The following SAMHD1 variants were observed in gnomAD, a reference collection of about 807,000 sequenced individuals.
SAMHD1 encodes the protein SAM and HD domain containing deoxynucleoside triphosphate triphosphohydrolase 1.
In SAMHD1, 54 loss-of-function variants were observed where a neutral mutation model predicts 79.6. The observed-to-expected ratio is 0.68, with a 90% CI of 0.55 to 0.85. SAMHD1 has a LOEUF of 0.85. SAMHD1 is among the 40% of genes least tolerant of loss of function. SAMHD1 has a pLI of 0.00. For synonymous variants in SAMHD1, 260 were observed against 264.1 expected (o/e 0.98, Z 0.15); for missense variants, 663 against 782.7 (o/e 0.85, Z 1.82).
intron 2 of SAMHD1, among the ~76,000 whole-genome samples, chr20:36,945,822 A>G (rs1310666500): frequency 1.3e-5 from 2 of 151,886 alleles, no homozygotes; most frequent in Non-Finnish European, 2.9e-5. Context: ...GAGGCAGGAG[A>G]ATGGCTTGAA....
At position 36,892,922 on chromosome 20, in the gene SAMHD1, C is replaced by A; in HGVS notation, c.*10G>T. ...GGAGAGGGAGTTTGTAAACAACTGACTACAGACATTCACATTGGGTCATCT... is the reference window on the plus strand; with the variant it reads ...GGAGAGGGAGTTTGTAAACAACTGAATACAGACATTCACATTGGGTCATCT... On this transcript the variant is annotated 3_prime_UTR_variant, in exon 16 of 16. Coordinates refer to ENST00000646673, the MANE Select transcript of SAMHD1 (RefSeq NM_015474.4). 6.2e-7 allele frequency: 1 copy of A among 1,613,918 alleles called. No individual in the cohort carries two copies.
intron 11 of SAMHD1, among the ~76,000 whole-genome samples, chr20:36,911,015 G>A (rs767624128): frequency 3.3e-5 from 5 of 152,096 alleles, no homozygotes; most frequent in African/African-American, 4.8e-5. Context: ...AGCACTTTGG[G>A]AGTCAAGGCA....
intron 7 of SAMHD1, among the ~76,000 whole-genome samples, chr20:36,918,922 GCTC>G (rs1206732127): frequency 6.6e-6 from 1 of 151,940 alleles, no homozygotes; most frequent in Admixed American, 6.6e-5. Flanking sequence ...GATCACTTGA[GCTC>G]AGGATTTCAA....
chr20:36,945,450 C>T (rs1283009880), intron 2 of SAMHD1, among the ~76,000 whole-genome samples: 4 of 152,086 alleles, frequency 2.6e-5, no homozygotes, highest in Non-Finnish European at 5.9e-5. Context: ...GGGGTGTAGC[C>T]TTGATTTTCT....
intron 6 of SAMHD1, among the ~76,000 whole-genome samples, chr20:36,925,595 A>G (rs373448773): frequency 5.4e-4 from 83 of 152,374 alleles, no homozygotes; most frequent in African/African-American, 1.8e-3. Flanking sequence ...AATATTCACA[A>G]TACATATACC....
chr20:36,897,789 T>C lies in SAMHD1; in HGVS notation c.1746+33A>G, dbSNP rs201826856. On this transcript the variant is annotated intron_variant, in intron 15 of 15. Transcript: ENST00000646673. Reference sequence around the variant, plus strand: ...TTGGTTTTTACTTAAAAATAAAAAATTGTGCAAAGTTTGTGAGTAACAGGC... The same window carrying C: ...TTGGTTTTTACTTAAAAATAAAAAACTGTGCAAAGTTTGTGAGTAACAGGC... The C allele has an allele frequency of 1.0e-4, 162 of 1,613,998 alleles. No individual in the cohort carries two copies. In the African/African-American group the frequency reaches 1.9e-3, roughly 19 times the overall value.
chr20:36,925,368 T>C (rs948740427), intron 6 of SAMHD1, among the ~76,000 whole-genome samples: 9 of 152,172 alleles, frequency 5.9e-5, no homozygotes, highest in African/African-American at 1.7e-4. Context: ...CAAAACCAAG[T>C]GGATGTTAGA....
intron 2 of SAMHD1, among the ~76,000 whole-genome samples, chr20:36,946,107 A>C (rs2146150467): frequency 6.6e-6 from 1 of 152,082 alleles, no homozygotes; most frequent in Admixed American, 6.6e-5. Context: ...ACATGGTGAA[A>C]CCCCATCTCT....
intron 11 of SAMHD1, among the ~76,000 whole-genome samples, chr20:36,907,907 GCT>G (rs921709890): frequency 6.6e-6 from 1 of 150,986 alleles, no homozygotes; most frequent in Non-Finnish European, 1.5e-5. Context: ...AAGGAGTCTT[GCT>G]CTGTCATCCA....
At chr20:36,934,815 T>C (rs1395587630) in intron 4 of SAMHD1, 1 of 476,752 alleles carries the variant, frequency 2.1e-6, no homozygotes. Context: ...CGCACAATCA[T>C]GTCTGGCTAA....
intron 5 of SAMHD1, among the ~76,000 whole-genome samples, chr20:36,928,032 T>C (rs1462764421): frequency 6.6e-6 from 1 of 152,306 alleles, no homozygotes; most frequent in African/African-American, 2.4e-5. Flanking sequence ...AGAATGTTAA[T>C]GCCAAAAACT....
At chr20:36,912,266 C>T in intron 10 of SAMHD1, 195 bp downstream of exon 10, 1 of 566,078 alleles carries the variant, frequency 1.8e-6, no homozygotes, top group Non-Finnish European at 3.2e-6. Context: ...CCATCTGCCC[C>T]TTTATCCACT....
intron 7 of SAMHD1, among the ~76,000 whole-genome samples, chr20:36,918,149 C>A (rs2063486252): frequency 6.6e-6 from 1 of 151,786 alleles, no homozygotes; most frequent in Admixed American, 6.6e-5. Flanking sequence ...GACAGGGTTT[C>A]AGTATTACCC....
Position 36,896,064 on chromosome 20 carries a change from T to TTTTTC in SAMHD1, c.1746+1753_1746+1757dup, listed in dbSNP as rs547936743. 2.9e-3 allele frequency among the ~76,000 whole-genome samples: 446 copies of TTTTTC among 151,872 alleles called. 3 individuals carry two copies. The highest frequency in any genetic ancestry group is 0.01 in the African/African-American group (419 of 41,418). On this transcript the variant is annotated intron_variant, in intron 15 of 15. Transcript: ENST00000646673. ...TATAAGGGACTTGAGCATCTGTGGA[T>TTTTTC]TTTTCTTTTCTTTTCTTTTCTTTTT...
At chr20:36,943,056 C>G (rs549143591) in intron 2 of SAMHD1, among the ~76,000 whole-genome samples, 4 of 152,268 alleles carry the variant, frequency 2.6e-5, no homozygotes, top group African/African-American at 9.6e-5. Flanking sequence ...CCCTAGAAAG[C>G]AGGGTCCAGG....
chr20:36,895,175 A>C (rs191672275), intron 15 of SAMHD1, among the ~76,000 whole-genome samples: 56 of 152,136 alleles, frequency 3.7e-4, no homozygotes, highest in Middle Eastern at 6.8e-3. Context: ...CAGGACTTTG[A>C]TAAAGCCCCA....
At position 36,935,127 on chromosome 20, in the gene SAMHD1, A is replaced by AT; in HGVS notation, c.410dup (p.Asp137GlufsTer30). The AT allele has an allele frequency of 6.2e-7, 1 of 1,613,898 alleles. No homozygotes were observed. The highest frequency in any genetic ancestry group is 8.5e-7 in the Non-Finnish European group (1 of 1,179,736). On this transcript the variant is annotated frameshift_variant, in exon 4 of 16. Coordinates refer to ENST00000646673, the MANE Select transcript of SAMHD1 (RefSeq NM_015474.4). LOFTEE classifies it high-confidence loss of function. ...ATCGAAGACGTTGAAATTGAGGTGT[A>AT]TCAATGATTCGGACGAGGAGAGGGT...
At chr20:36,893,333 A>G (rs182240208) in intron 15 of SAMHD1, 1 of 529,084 alleles carries the variant, frequency 1.9e-6, no homozygotes, top group African/African-American at 1.9e-5. Flanking sequence ...GCCCACCTCT[A>G]TGGCCTCCTT....
At chr20:36,945,036 TCTAC>T in intron 2 of SAMHD1, among the ~76,000 whole-genome samples, 1 of 145,896 alleles carries the variant, frequency 6.9e-6, no homozygotes, top group Non-Finnish European at 1.6e-5. Flanking sequence ...TATGTATCTA[TCTAC>T]CTACCTACCT....
Sources: gnomAD v4.1 joint callset for allele counts (sites outside exome capture counted in the v4.1 genomes callset) on GRCh38, gnomAD v4.1.1 for gene constraint, MANE v1.5 for transcripts, NCBI Gene and HGNC (gene_info 2026-07-23, HGNC 2026-07-21) for gene names.